SEPTIN8: variants seen among roughly 807,000 people sequenced by gnomAD.
SEPTIN8 encodes the protein septin-8.
SEPTIN8 carries 22 observed loss-of-function variants against 53.1 expected under a neutral mutation model. The observed-to-expected ratio is 0.41, with a 90% CI of 0.30 to 0.59. The LOEUF is 0.59. Among genes scored for constraint, SEPTIN8 ranks in the 20% least tolerant of loss-of-function variants. SEPTIN8 has a pLI of 0.24. For synonymous variants in SEPTIN8, 228 were observed against 248.4 expected (o/e 0.92, Z 0.77); for missense variants, 536 against 638.7 (o/e 0.84, Z 1.73).
intron 4 of SEPTIN8, 37 bp from the exon 5 acceptor site, chr5:132,762,682 G>A: frequency 1.9e-6 from 3 of 1,609,704 alleles, no homozygotes; most frequent in Non-Finnish European, 2.5e-6. Flanking sequence ...AGGCTGGTTG[G>A]CTCTTTTGAG....
At chr5:132,754,254 G>T (rs1157382021) in intron 9 of SEPTIN8, 2 of 613,636 alleles carry the variant, frequency 3.3e-6, no homozygotes, top group African/African-American at 3.7e-5. Context: ...GTCATATCAA[G>T]AACTCTCCTC....
chr5:132,768,293 G>C (rs1306009418), intron 1 of SEPTIN8, among the ~76,000 whole-genome samples: 2 of 151,620 alleles, frequency 1.3e-5, no homozygotes, highest in Non-Finnish European at 2.9e-5. Flanking sequence ...GACCAGTCAG[G>C]GGTATGAGTC....
intron 1 of SEPTIN8, among the ~76,000 whole-genome samples, chr5:132,770,269 C>G (rs1266488357): frequency 6.6e-6 from 1 of 150,602 alleles, no homozygotes; most frequent in Admixed American, 6.7e-5. Flanking sequence ...ACCTCCGCCT[C>G]CTAGGTACAA....
upstream of SEPTIN8, chr5:132,777,348 G>T: frequency 1.9e-6 from 2 of 1,049,762 alleles, no homozygotes; most frequent in East Asian, 7.4e-5. The surrounding 1 kb of genome is among the most constrained non-coding windows in gnomAD (Gnocchi z 4.1). Flanking sequence ...GCCCGGCCCG[G>T]CCACGAGCGC....
Position 132,761,032 on chromosome 5 carries a change from G to A in SEPTIN8, c.1096-40C>T. On this transcript the variant is annotated intron_variant, in intron 8 of 9. Transcript: ENST00000378719. The surrounding 1 kb of genome is among the most constrained non-coding windows in gnomAD (Gnocchi z 5.8). ...GGGGCAGAAGATGCGGGGAGCAAGA[G>A]GAGGGCTTGAGCCTGGGCCAGGAAG... 2 of 1,591,502 alleles carry A rather than the reference G, an allele frequency of 1.3e-6. No individual in the cohort carries two copies. Among genetic ancestry groups the A allele is most frequent in the Non-Finnish European group, 1.7e-6 (2 of 1,167,978 alleles).
chr5:132,767,689 ACAC>A (rs1756745374), intron 1 of SEPTIN8, among the ~76,000 whole-genome samples: 1 of 152,016 alleles, frequency 6.6e-6, no homozygotes, highest in African/African-American at 2.4e-5. Flanking sequence ...TGCCCACCTT[ACAC>A]AGGGCTTCAT....
Position 132,751,803 on chromosome 5 carries a change from G to A in SEPTIN8, c.*213C>T. ...GGAAGCTCAGCTTGGCCACAGGATG[G>A]GCATTAAGCCTCAAGCCCCTTACGG... On this transcript the variant is annotated 3_prime_UTR_variant, in exon 10 of 10. Transcript: ENST00000378719. The A allele has an allele frequency of 1.2e-6, 1 of 814,770 alleles. No homozygotes were observed. Among genetic ancestry groups the A allele is most frequent in the Non-Finnish European group, 1.9e-6 (1 of 534,450 alleles). 50.5% of individuals were successfully genotyped at this position (814,770 alleles called of 1,614,324 possible). A position where few individuals can be genotyped will look rare whatever the true frequency, so the allele number is the denominator to read the frequency against.
intron 9 of SEPTIN8, chr5:132,759,034 A>G (rs1325218562): frequency 1.4e-6 from 1 of 703,192 alleles, no homozygotes; most frequent in Admixed American, 2.0e-5. Flanking sequence ...TTTGCAAAAA[A>G]TTTGGATTCA....
intron 2 of SEPTIN8, 149 bp from the exon 3 acceptor site, chr5:132,764,568 C>T (rs1005084030): frequency 9.6e-6 from 6 of 622,732 alleles, no homozygotes; most frequent in African/African-American, 9.2e-5. Context: ...CCCTCATCAC[C>T]CCCATTCCCC....
chr5:132,764,458 T>C (rs750165437), intron 2 of SEPTIN8, 39 bp from the exon 3 acceptor site: 7 of 1,555,712 alleles, frequency 4.5e-6, no homozygotes, highest in Admixed American at 1.8e-5. Context: ...GTGGGTGTCA[T>C]AGGCTGGAAA....
rs368442418 is a variant in SEPTIN8, at chr5:132,761,878, C to T, written c.715G>A (p.Val239Met). 13 of 1,596,950 alleles carry T rather than the reference C, an allele frequency of 8.1e-6. No homozygotes were observed. Among genetic ancestry groups the T allele is most frequent in the East Asian group, 2.3e-5 (1 of 44,158 alleles). The change falls in exon 6 of 10, where the codon GTG becomes ATG. Residue 239 changes from valine to methionine, a missense_variant. Coordinates refer to ENST00000378719, the MANE Select transcript of SEPTIN8 (RefSeq NM_001098811.2). The surrounding 1 kb of genome is among the most constrained non-coding windows in gnomAD (Gnocchi z 5.8). ...AVMNAHLPFAVVGSTEEVKVG... is the reference protein window; with the variant it reads ...AVMNAHLPFAMVGSTEEVKVG... ...TTCACCTCCTCGGTGCTGCCCACCA[C>T]GGCAAAGGGCAGATGTGCCTGGAAA...
At chr5:132,757,754 C>G in intron 9 of SEPTIN8, 2 of 985,442 alleles carry the variant, frequency 2.0e-6, no homozygotes, top group South Asian at 9.4e-5. Context: ...AGAGTCAAAG[C>G]TGCTAGTACT....
intron 9 of SEPTIN8, among the ~76,000 whole-genome samples, chr5:132,759,774 A>C (rs2149963371): frequency 6.6e-6 from 1 of 152,270 alleles, no homozygotes; most frequent in South Asian, 2.1e-4. Context: ...GGGCAGGGAG[A>C]AGCAGGGATG....
chr5:132,778,465 A>G, upstream of SEPTIN8, among the ~76,000 whole-genome samples: 1 of 152,188 alleles, frequency 6.6e-6, no homozygotes, highest in East Asian at 1.9e-4. Context: ...GGCAAACTGT[A>G]GCTTGTCCCC....
rs751202711 is a variant in SEPTIN8 at position 132,777,166 on chromosome 5, G to T, written c.-29C>A. 6.0e-6 allele frequency: 7 copies of T among 1,167,004 alleles called. No individual in the cohort carries two copies. In the East Asian group the frequency reaches 2.7e-4, roughly 45 times the overall value. 72.3% of individuals were successfully genotyped at this position (1,167,004 alleles called of 1,614,324 possible). ...GAGCTCCGCACCGGGCGGGTGGGCT[G>T]GGACGAGCGCAGGGGCAGCGACAGG... On this transcript the variant is annotated 5_prime_UTR_variant, in exon 1 of 10. Transcript: ENST00000378719. The surrounding 1 kb of genome is among the most constrained non-coding windows in gnomAD (Gnocchi z 4.1).
At chr5:132,752,901 T>G in intron 9 of SEPTIN8, 1 of 1,614,176 alleles carries the variant, frequency 6.2e-7, no homozygotes, top group Non-Finnish European at 8.5e-7. Context: ...GCAAGGAACT[T>G]GTAATGCAGC....
chr5:132,760,736 G>A lies in SEPTIN8; in HGVS notation c.1286+66C>T. ...CAGGAGAGCGAGAAGGGAGGTGAGG[G>A]ACAAGAACGAAAGCAAGAGCCCACA... On this transcript the variant is annotated intron_variant, in intron 9 of 9. Transcript: ENST00000378719. This position sits in a 1 kb window ranked among gnomAD's most constrained non-coding sequence, Gnocchi z 5.2. The A allele has an allele frequency of 6.1e-6, 9 of 1,472,084 alleles. No individual in the cohort carries two copies. The South Asian group carries it at 8.6e-5, about 14-fold the overall frequency. The allele number at this position is 1,472,084 out of a possible 1,614,324, so 91.2% of individuals were successfully genotyped here. A position where few individuals can be genotyped will look rare whatever the true frequency, so the allele number is the denominator to read the frequency against.
At chr5:132,752,788 A>C in intron 9 of SEPTIN8, 1 of 1,270,174 alleles carries the variant, frequency 7.9e-7, no homozygotes, top group East Asian at 2.4e-5. Context: ...CTTCATGCTA[A>C]CATTTTGGCA....
intron 9 of SEPTIN8, chr5:132,753,033 A>C (rs553313742): frequency 7.6e-7 from 1 of 1,317,352 alleles, no homozygotes; most frequent in Non-Finnish European, 1.1e-6. Flanking sequence ...TTGGACTACC[A>C]TGAGTTCTTT....
Sources: allele counts gnomAD v4.1 joint callset (sites outside exome capture counted in the v4.1 genomes callset), GRCh38; gene constraint gnomAD v4.1.1; non-coding constraint Gnocchi (gnomAD v3.1); transcripts MANE v1.5; gene names NCBI Gene and HGNC (gene_info 2026-07-23, HGNC 2026-07-21).